PARP12: variants seen among roughly 807,000 people sequenced by gnomAD.
PARP12 encodes poly(ADP-ribose) polymerase family member 12, also known as protein mono-ADP-ribosyltransferase PARP12.
A neutral mutation model predicts 72.4 loss-of-function variants in PARP12; 59 were observed. The observed-to-expected ratio is 0.81, with a 90% CI of 0.66 to 1.01. The LOEUF is 1.01. Ranked by LOEUF, PARP12 falls within the 50% of genes least tolerant of loss-of-function variation. The probability of loss-of-function intolerance (pLI) is 0.00; values close to 1 mark genes in which losing one functional copy is unlikely to be tolerated. For synonymous variants in PARP12, 403 were observed against 371.4 expected (o/e 1.09, Z -0.98); for missense variants, 851 against 914.0 (o/e 0.93, Z 0.89).
chr7:140,043,665 G>C (rs1198019234), intron 5 of PARP12, among the ~76,000 whole-genome samples: 1 of 151,928 alleles, frequency 6.6e-6, no homozygotes, highest in African/African-American at 2.4e-5. Flanking sequence ...GGAGTAGCTG[G>C]GATTACAGGC....
intron 4 of PARP12, among the ~76,000 whole-genome samples, chr7:140,050,271 T>C (rs1816908584): frequency 6.6e-6 from 1 of 152,154 alleles, no homozygotes; most frequent in South Asian, 2.1e-4. Context: ...CCAATCCCAA[T>C]GAGAACAATG....
At chr7:140,026,173 T>C (rs1471849578) in intron 11 of PARP12, 24 bp downstream of exon 11, 1 of 1,614,162 alleles carries the variant, frequency 6.2e-7, no homozygotes, top group Admixed American at 1.7e-5. Context: ...TGGGTTTTGC[T>C]GGTGGAGGCC....
intron 8 of PARP12, chr7:140,033,990 T>C: frequency 1.8e-6 from 2 of 1,111,198 alleles, no homozygotes; most frequent in Non-Finnish European, 2.2e-6. Flanking sequence ...GAGTCTGTCT[T>C]CTCCAGAGAA....
At chr7:140,043,720 C>T (rs939602134) in intron 5 of PARP12, among the ~76,000 whole-genome samples, 5 of 152,026 alleles carry the variant, frequency 3.3e-5, no homozygotes, top group African/African-American at 1.2e-4. Flanking sequence ...TTTGTGCAGA[C>T]AGAGTTTCAC....
intron 5 of PARP12, 100 bp downstream of exon 5, chr7:140,046,784 G>C: frequency 7.7e-7 from 1 of 1,304,278 alleles, no homozygotes; most frequent in Non-Finnish European, 1.0e-6. Flanking sequence ...GGCACCTCCA[G>C]ACTAGGCTGC....
chr7:140,034,689 T>C (rs1047562715), intron 7 of PARP12: 3 of 190,128 alleles, frequency 1.6e-5, no homozygotes, highest in Non-Finnish European at 3.3e-5. Context: ...CAAACTACCA[T>C]GTCTTGAGTT....
At chr7:140,045,203 T>A (rs917736424) in intron 5 of PARP12, among the ~76,000 whole-genome samples, 54 of 152,168 alleles carry the variant, frequency 3.5e-4, no homozygotes, top group East Asian at 5.8e-4. Flanking sequence ...CTAATTTTTT[T>A]AAAAATTTTT....
rs138802230 is a variant in PARP12, at chr7:140,036,357, G to A, written c.1324+1358C>T. The stretch of plus-strand genomic sequence containing the variant: ...TCAGGGCAGTCCTGATTTGATTAAC[G>A]TCTATGCTCTCACTGGTCCCCTCTC... On this transcript the variant is annotated intron_variant, in intron 7 of 11. Coordinates refer to ENST00000263549, the MANE Select transcript of PARP12 (RefSeq NM_022750.4). Among the ~76,000 whole-genome samples, 313 of 152,322 alleles carry A rather than the reference G, an allele frequency of 2.1e-3. 4 individuals are homozygous for A. The highest frequency in any genetic ancestry group is 6.7e-3 in the African/African-American group (279 of 41,578).
intron 4 of PARP12, among the ~76,000 whole-genome samples, chr7:140,050,339 T>C (rs530724076): frequency 6.4e-4 from 97 of 152,330 alleles, no homozygotes; most frequent in African/African-American, 2.3e-3. Flanking sequence ...GGAAGCTTGC[T>C]GTGCACTTCC....
At chr7:140,043,375 T>C (rs745644463) in intron 5 of PARP12, among the ~76,000 whole-genome samples, 2 of 152,100 alleles carry the variant, frequency 1.3e-5, no homozygotes, top group African/African-American at 2.4e-5. Flanking sequence ...TAAAAAGGAA[T>C]TGAGCATCAA....
rs9340757 is a variant in PARP12, at chr7:140,046,721, A to AGTGTGT, written c.986+157_986+162dup. ...TCTACCTCCAGACTAGGTGGCTCAC[A>AGTGTGT]GTGTGTGTGTGTGTGTGTGTGTGTG... On this transcript the variant is annotated intron_variant, in intron 5 of 11. Transcript: ENST00000263549. Among the ~76,000 whole-genome samples the AGTGTGT allele has an allele frequency of 4.9e-3, 664 of 135,476 alleles. 10 individuals are homozygous for AGTGTGT. The highest frequency in any genetic ancestry group is 7.4e-3 in the Middle Eastern group (2 of 272). The allele number at this position is 135,476 out of a possible 152,430, so 88.9% of individuals were successfully genotyped here.
intron 1 of PARP12, among the ~76,000 whole-genome samples, chr7:140,058,947 T>C (rs574869744): frequency 4.3e-4 from 66 of 151,818 alleles, no homozygotes; most frequent in African/African-American, 1.6e-3. Context: ...AATACAAAAT[T>C]AGCCGGGCGA....
intron 1 of PARP12, 122 bp downstream of exon 1, chr7:140,062,400 G>A: frequency 1.0e-6 from 1 of 979,752 alleles, no homozygotes; most frequent in Non-Finnish European, 1.4e-6. Flanking sequence ...ATGACGGTGC[G>A]AGGTCAGGGC....
chr7:140,037,020 C>T (rs1816230188), intron 7 of PARP12, among the ~76,000 whole-genome samples: 1 of 152,118 alleles, frequency 6.6e-6, no homozygotes, highest in South Asian at 2.1e-4. Context: ...TCCAAAGTCG[C>T]CTACAGAAAA....
chr7:140,026,701 C>T (rs938690132), intron 10 of PARP12, among the ~76,000 whole-genome samples: 1 of 152,094 alleles, frequency 6.6e-6, no homozygotes, highest in Non-Finnish European at 1.5e-5. Flanking sequence ...TAGGAATTTT[C>T]AGGCTGCTGG....
intron 4 of PARP12, among the ~76,000 whole-genome samples, chr7:140,052,702 C>A (rs1585110318): frequency 6.7e-6 from 1 of 150,080 alleles, no homozygotes; most frequent in East Asian, 2.0e-4. Flanking sequence ...TCATAATATG[C>A]ATTTTCCACA....
chr7:140,062,634 G>A lies in PARP12; in HGVS notation c.214C>T (p.Leu72=), dbSNP rs759962391. 2.0e-5 allele frequency: 29 copies of A among 1,479,356 alleles called. No individual in the cohort carries two copies. In the East Asian group the frequency reaches 6.6e-4, roughly 34 times the overall value. 91.6% of individuals were successfully genotyped at this position (1,479,356 alleles called of 1,614,324 possible). A position where few individuals can be genotyped will look rare whatever the true frequency, so the allele number is the denominator to read the frequency against. The part of the protein sequence containing the change: ...PERVVLAASP[L]RLCRAHQGSK... ...CCCTGGTGCGCGCGACACAGGCGCA[G>A]CGGCGAGGCGGCCAGCACCACGCGC... Residue 72 remains leucine (L), a synonymous_variant, in exon 1 of 12, where the codon CTG becomes TTG. Coordinates refer to ENST00000263549, the MANE Select transcript of PARP12 (RefSeq NM_022750.4).
chr7:140,042,479 C>T (rs372286001), intron 5 of PARP12, among the ~76,000 whole-genome samples: 99 of 152,200 alleles, frequency 6.5e-4, no homozygotes, highest in Non-Finnish European at 1.1e-3. Flanking sequence ...GAGAGGAGGG[C>T]GAGAGCCAGC....
At chr7:140,058,107 C>T in intron 1 of PARP12, 73 bp from the exon 2 acceptor site, 3 of 1,520,382 alleles carry the variant, frequency 2.0e-6, no homozygotes, top group Non-Finnish European at 1.8e-6. Flanking sequence ...AGTCCTAACT[C>T]CCACGACCTC....
Sources: gnomAD v4.1 joint callset for allele counts (sites outside exome capture counted in the v4.1 genomes callset) on GRCh38, gnomAD v4.1.1 for gene constraint, MANE v1.5 for transcripts, NCBI Gene and HGNC (gene_info 2026-07-23, HGNC 2026-07-21) for gene names.